The following HUNK variants were observed in gnomAD, a reference collection of about 807,000 sequenced individuals.
HUNK encodes the protein hormonally up-regulated neu tumor-associated kinase.
HUNK carries 21 observed loss-of-function variants against 61.0 expected under a neutral mutation model. That is an observed-to-expected ratio of 0.34 (90% CI 0.24 to 0.50). HUNK has a LOEUF of 0.50. HUNK is among the 20% of genes least tolerant of loss of function. HUNK has a pLI of 0.98. For synonymous variants in HUNK, 371 were observed against 386.1 expected, an observed-to-expected ratio of 0.96 and a Z score of 0.46; for missense variants, 772 against 945.7, an observed-to-expected ratio of 0.82 and a Z score of 2.41.
intron 5 of HUNK, among the ~76,000 whole-genome samples, chr21:31,966,478 C>T (rs565294235): frequency 3.9e-5 from 6 of 152,158 alleles, no homozygotes; most frequent in Non-Finnish European, 8.8e-5. Context: ...AGGGAGATGA[C>T]CTGGTAACCT....
At chr21:31,938,266 C>T (rs11701691) in intron 2 of HUNK, among the ~76,000 whole-genome samples, 18,086 of 152,248 alleles carry the variant, frequency 0.12, 1,187 homozygotes, top group East Asian at 0.22. Flanking sequence ...CTTTCCCCCG[C>T]ACCACTTCTC....
chr21:31,885,777 C>T (rs1192011342), intron 1 of HUNK, among the ~76,000 whole-genome samples: 6 of 152,080 alleles, frequency 3.9e-5, no homozygotes, highest in Admixed American at 3.9e-4. Context: ...CTCTGTTGCC[C>T]AGGCTGTTGT....
intron 8 of HUNK, among the ~76,000 whole-genome samples, chr21:31,986,557 T>G (rs967214923): frequency 6.6e-6 from 1 of 151,992 alleles, no homozygotes; most frequent in Non-Finnish European, 1.5e-5. Context: ...GAGGTTTCCT[T>G]CATTTGCCAG....
In HUNK at chr21:31,947,210, T is replaced by G. The variant is rs372281894; in HGVS notation, c.746+1039T>G. ...GCGCCTGCGCATTCCCACATCCCAGTCTCAAGCCAGTGGCGCCTGCGCATT... is the reference window on the plus strand; with the variant it reads ...GCGCCTGCGCATTCCCACATCCCAGGCTCAAGCCAGTGGCGCCTGCGCATT... On this transcript the variant is annotated intron_variant, in intron 4 of 10. Transcript: ENST00000270112. 7.9e-4 allele frequency among the ~76,000 whole-genome samples: 114 copies of G among 144,500 alleles called. No homozygotes were observed. The South Asian group carries it at 8.6e-3, about 11-fold the overall frequency. The allele number at this position is 144,500 out of a possible 152,430, so 94.8% of individuals were successfully genotyped here.
chr21:31,919,201 A>G (rs1330544626), intron 1 of HUNK, among the ~76,000 whole-genome samples: 1 of 149,946 alleles, frequency 6.7e-6, no homozygotes, highest in African/African-American at 2.5e-5. Context: ...ACTGAGCGGT[A>G]TGAGGAGGAG....
At chr21:31,994,234 A>G (rs9978615) in intron 9 of HUNK, among the ~76,000 whole-genome samples, 111,123 of 152,056 alleles carry the variant, frequency 0.73, 41,046 homozygotes, top group Non-Finnish European at 0.79. Flanking sequence ...CCCCTTTGTT[A>G]GGGAGGAGCC....
chr21:31,911,627 C>A (rs2052546370), intron 1 of HUNK, among the ~76,000 whole-genome samples: 1 of 152,050 alleles, frequency 6.6e-6, no homozygotes, highest in South Asian at 2.1e-4. Flanking sequence ...GCCTTCCTGT[C>A]CCTCTAGATT....
At chr21:31,978,125 A>G (rs2053063653) in intron 7 of HUNK, among the ~76,000 whole-genome samples, 1 of 152,226 alleles carries the variant, frequency 6.6e-6, no homozygotes, top group Admixed American at 6.5e-5. Context: ...TCATCTGAGA[A>G]CATTCTCTGG....
chr21:31,883,789 G>A (rs1332166612), intron 1 of HUNK, among the ~76,000 whole-genome samples: 1 of 152,180 alleles, frequency 6.6e-6, no homozygotes, highest in East Asian at 1.9e-4. Context: ...CCACTGCTTT[G>A]TTGCCCACCC....
chr21:31,931,849 G>A (rs2052698781), intron 2 of HUNK, among the ~76,000 whole-genome samples: 1 of 152,086 alleles, frequency 6.6e-6, no homozygotes, highest in Non-Finnish European at 1.5e-5. Flanking sequence ...TGGAGGCCCA[G>A]GGGAGAGACT....
chr21:31,874,340 G>GC (rs1393185856), intron 1 of HUNK, among the ~76,000 whole-genome samples: 4 of 150,266 alleles, frequency 2.7e-5, no homozygotes, highest in African/African-American at 9.8e-5. Flanking sequence ...CGGGGGGCGG[G>GC]GGGGGCAGGA....
intron 1 of HUNK, among the ~76,000 whole-genome samples, chr21:31,881,882 T>C (rs748705855): frequency 1.3e-4 from 20 of 152,162 alleles, no homozygotes; most frequent in Admixed American, 2.0e-4. Context: ...TGGCCTCACA[T>C]TTCTCTTAGG....
intron 2 of HUNK, among the ~76,000 whole-genome samples, chr21:31,932,911 CTTTTT>C (rs779361324): frequency 2.3e-5 from 3 of 130,636 alleles, no homozygotes; most frequent in Non-Finnish European, 1.6e-5. Context: ...TGCCTTCTTC[CTTTTT>C]TTTTTTTTTT....
At chr21:31,874,907 A>G (rs372861131) in intron 1 of HUNK, among the ~76,000 whole-genome samples, 2 of 152,118 alleles carry the variant, frequency 1.3e-5, no homozygotes, top group South Asian at 4.2e-4. Flanking sequence ...GTGAGAAGAA[A>G]CCCAAGAGCT....
chr21:31,984,908 T>C (rs1379065933), intron 8 of HUNK, among the ~76,000 whole-genome samples: 1 of 152,160 alleles, frequency 6.6e-6, no homozygotes, highest in Non-Finnish European at 1.5e-5. Context: ...AGAGGTTTGA[T>C]GGACTCACAG....
At chr21:31,961,752 A>C (rs575291761) in intron 5 of HUNK, among the ~76,000 whole-genome samples, 1 of 152,198 alleles carries the variant, frequency 6.6e-6, no homozygotes, top group Non-Finnish European at 1.5e-5. Context: ...GTTTTATTCA[A>C]GTGACCCATA....
chr21:31,985,574 G>A (rs1399234885), intron 8 of HUNK, among the ~76,000 whole-genome samples: 2 of 152,218 alleles, frequency 1.3e-5, no homozygotes, highest in African/African-American at 2.4e-5. Context: ...AGAGAGAGAG[G>A]AGAAACTGGC....
rs369158620 is a variant in HUNK, at chr21:31,878,067, T to C, written c.261+4132T>C. ...TGAGGTCAGGAGTTCTAGATCAGCC[T>C]GGCCAACATGGTGAAACCCTGTCTC... On this transcript the variant is annotated intron_variant, in intron 1 of 10. Transcript: ENST00000270112. Among the ~76,000 whole-genome samples the C allele has an allele frequency of 1.7e-4, 26 of 151,942 alleles. No homozygotes were observed. The East Asian group carries it at 4.7e-3, about 27-fold the overall frequency.
At chr21:31,892,569 G>GAA (rs10562491) in intron 1 of HUNK, among the ~76,000 whole-genome samples, 4 of 103,074 alleles carry the variant, frequency 3.9e-5, no homozygotes, top group Non-Finnish European at 7.8e-5. Flanking sequence ...GACTCTCTCT[G>GAA]AAAAAAAAAA....
Sources: gnomAD v4.1 joint callset for allele counts (sites outside exome capture counted in the v4.1 genomes callset) on GRCh38, gnomAD v4.1.1 for gene constraint, MANE v1.5 for transcripts, NCBI Gene and HGNC (gene_info 2026-07-23, HGNC 2026-07-21) for gene names.